SLC35E4: variants seen among roughly 807,000 people sequenced by gnomAD.
SLC35E4 encodes the protein solute carrier family 35, member E4.
Under a neutral mutation model 19.3 loss-of-function variants are expected in SLC35E4, and 15 were observed. The observed-to-expected ratio is 0.78, with a 90% CI of 0.52 to 1.20. The LOEUF (loss-of-function observed/expected upper bound fraction) is 1.20. SLC35E4 is among the 50% of genes most tolerant of loss of function. The pLI, the probability that SLC35E4 is intolerant of heterozygous loss-of-function variation, is 0.00. For missense variants in SLC35E4, 406 were observed against 472.3 expected (o/e 0.86, Z 1.30); for synonymous variants, 219 against 219.9 (o/e 1.00, Z 0.04).
rs543909433 is a variant in SLC35E4, at chr22:30,639,923, A to T, written c.619+2854A>T. ...ATGATGGGATTAAGAGATTAAAGAT[A>T]GGCATAGGAAATCACAAGGGTATTG... On this transcript the variant is annotated intron_variant, in intron 1 of 1. Coordinates refer to ENST00000343605, the MANE Select transcript of SLC35E4 (RefSeq NM_001001479.4). 3.6e-4 allele frequency among the ~76,000 whole-genome samples: 55 copies of T among 152,248 alleles called. 1 individual carries two copies. The highest frequency in any genetic ancestry group is 1.8e-3 in the Admixed American group (28 of 15,284).
At chr22:30,664,199 A>G (rs1370516403), downstream of SLC35E4, 13 of 601,778 alleles carry the variant, frequency 2.2e-5, no homozygotes, top group East Asian at 3.6e-4. Context: ...TGACCATCAC[A>G]GCAGAACTAC....
chr22:30,650,000 C>T (rs971795884), downstream of SLC35E4, among the ~76,000 whole-genome samples: 2 of 149,422 alleles, frequency 1.3e-5, no homozygotes, highest in African/African-American at 5.0e-5. Context: ...TCACCCCTCC[C>T]AGCAGTGGGC....
chr22:30,637,113 G>A, intron 1 of SLC35E4, 44 bp downstream of exon 1: 1 of 1,531,326 alleles, frequency 6.5e-7, no homozygotes, highest in Non-Finnish European at 8.8e-7. Context: ...GGTCCGGGTG[G>A]GTGCATGGCC....
downstream of SLC35E4, chr22:30,665,438 C>A: frequency 2.2e-6 from 1 of 452,604 alleles, no homozygotes. Flanking sequence ...TCCTCTCCAG[C>A]CAGTGGCCTT....
intron 2 of SLC35E4, among the ~76,000 whole-genome samples, chr22:30,657,306 C>CAA (rs1555900141): frequency 0.026 from 2,966 of 112,448 alleles, 87 homozygotes; most frequent in African/African-American, 0.15. Flanking sequence ...CACACACACA[C>CAA]AAATTAGCCG....
chr22:30,644,727 C>T lies in SLC35E4; in HGVS notation c.620-1871C>T, dbSNP rs544512535. Among the ~76,000 whole-genome samples, 5 of 152,052 alleles carry T rather than the reference C, an allele frequency of 3.3e-5. No individual in the cohort carries two copies. In the East Asian group the frequency reaches 9.7e-4, roughly 29 times the overall value. On this transcript the variant is annotated intron_variant, in intron 1 of 1. Transcript: ENST00000343605. ...TCCAGCCTGGGCAAGAGAACCAGAC[C>T]CTGTCTCAAATAATAATAATAATGT...
intron 2 of SLC35E4, among the ~76,000 whole-genome samples, chr22:30,655,375 T>G (rs2088315261): frequency 7.6e-6 from 1 of 131,586 alleles, no homozygotes; most frequent in Admixed American, 8.9e-5. Flanking sequence ...GAGGCTGCAG[T>G]GGGCTGTGAT....
At chr22:30,664,058 T>A, downstream of SLC35E4, 1 of 1,500,284 alleles carries the variant, frequency 6.7e-7, no homozygotes, top group East Asian at 2.4e-5. Flanking sequence ...TGCGTCTTTC[T>A]GCTAGGCTGT....
intron 2 of SLC35E4, among the ~76,000 whole-genome samples, chr22:30,657,297 AC>A (rs1569065160): frequency 0.026 from 3,940 of 149,518 alleles, 90 homozygotes; most frequent in East Asian, 0.056. Flanking sequence ...ACACACACAC[AC>A]ACACACACAA....
rs912092474 is a variant in SLC35E4, at chr22:30,639,431, T to C, written c.619+2362T>C. ...CGGGCACGCATTGTCATTGATAACA[T>C]CTTATCAAGAGACAGGGTTTGAGAG... On this transcript the variant is annotated intron_variant, in intron 1 of 1. Coordinates refer to ENST00000343605, the MANE Select transcript of SLC35E4 (RefSeq NM_001001479.4). Among the ~76,000 whole-genome samples the C allele has an allele frequency of 2.0e-4, 30 of 152,092 alleles. 1 individual carries two copies. The highest frequency in any genetic ancestry group is 1.8e-3 in the Admixed American group (28 of 15,242).
At chr22:30,656,543 C>G (rs984341806) in intron 2 of SLC35E4, among the ~76,000 whole-genome samples, 1 of 152,238 alleles carries the variant, frequency 6.6e-6, no homozygotes, top group African/African-American at 2.4e-5. Flanking sequence ...TTCATGTAAT[C>G]AAAAAGAGGC....
intron 1 of SLC35E4, among the ~76,000 whole-genome samples, chr22:30,638,026 C>A (rs905339917): frequency 2.0e-5 from 3 of 152,164 alleles, no homozygotes; most frequent in Non-Finnish European, 4.4e-5. Context: ...CAACCACCAA[C>A]TTTATCCCCA....
chr22:30,655,553 G>C (rs1274937836), intron 2 of SLC35E4, among the ~76,000 whole-genome samples: 2 of 151,396 alleles, frequency 1.3e-5, no homozygotes, highest in East Asian at 1.9e-4. Flanking sequence ...GTTTTGCCAA[G>C]GGCACGTCTA....
At chr22:30,663,060 G>C (rs953733455) in exon 3 of SLC35E4, 2 of 200,266 alleles carry the variant, frequency 1.0e-5, no homozygotes, top group Non-Finnish European at 2.1e-5. Flanking sequence ...CTGGCTCTGG[G>C]TGTGAAAGAA....
intron 2 of SLC35E4, among the ~76,000 whole-genome samples, chr22:30,655,567 T>C (rs564634925): frequency 6.6e-6 from 1 of 152,138 alleles, no homozygotes; most frequent in African/African-American, 2.4e-5. Context: ...ACGTCTAGCA[T>C]GTCTCCCAGA....
chr22:30,640,944 C>A (rs948834833), intron 1 of SLC35E4, among the ~76,000 whole-genome samples: 2 of 152,162 alleles, frequency 1.3e-5, no homozygotes, highest in Admixed American at 1.3e-4. Context: ...CCTGCCCTGG[C>A]GTATTCAGAG....
chr22:30,651,028 C>G (rs887581544), downstream of SLC35E4, among the ~76,000 whole-genome samples: 1 of 148,522 alleles, frequency 6.7e-6, no homozygotes, highest in African/African-American at 2.5e-5. Flanking sequence ...CCTTGTTTGG[C>G]CTGGCCCCCT....
At chr22:30,667,833 A>C (rs1040263242), downstream of SLC35E4, 3 of 152,582 alleles carry the variant, frequency 2.0e-5, no homozygotes, top group African/African-American at 7.2e-5. Flanking sequence ...CCAGGGCTGC[A>C]GCCGAGAGAC....
At chr22:30,646,471 C>A in intron 1 of SLC35E4, 127 bp from the exon 2 acceptor site, 2 of 1,098,280 alleles carry the variant, frequency 1.8e-6, no homozygotes, top group Non-Finnish European at 2.6e-6. Context: ...TGTTTCAGAT[C>A]AGGAGCCACT....
Sources: gnomAD v4.1 joint callset for allele counts (sites outside exome capture counted in the v4.1 genomes callset) on GRCh38, gnomAD v4.1.1 for gene constraint, MANE v1.5 for transcripts, NCBI Gene and HGNC (gene_info 2026-07-23, HGNC 2026-07-21) for gene names.